Variants in ZNF582 observed in about 807,000 individuals in gnomAD.
The protein encoded by ZNF582 is zinc finger protein 582.
In ZNF582, 14 loss-of-function variants were observed where a neutral mutation model predicts 12.3. That is an observed-to-expected ratio of 1.14 (90% CI 0.75 to 1.78). The LOEUF (loss-of-function observed/expected upper bound fraction) is 1.78, where lower values mean the gene tolerates loss of function less well. Ranked by LOEUF, ZNF582 falls within the 40% of genes most tolerant of loss-of-function variation. The pLI is 0.00. For missense variants in ZNF582, 567 were observed against 616.5 expected (o/e 0.92, Z 0.85); for synonymous variants, 210 against 207.2 (o/e 1.01, Z -0.11).
chr19:56,385,295 C>A, intron 4 of ZNF582, 111 bp from the exon 5 acceptor site: 1 of 1,111,810 alleles, frequency 9.0e-7, no homozygotes, highest in Non-Finnish European at 1.2e-6. Context: ...TTGAATGTAG[C>A]TAAGCAATTA....
At position 56,389,226 on chromosome 19, in the gene ZNF582, T is replaced by G. The variant is rs373455501; in HGVS notation, c.232+775A>C. ...AAGTTCCATGAAAGCAAGGATAATG[T>G]CCACCTGCCTCATCAATGTATACTG... On this transcript the variant is annotated intron_variant, in intron 4 of 4. Transcript: ENST00000586929. Among the ~76,000 whole-genome samples the G allele has an allele frequency of 3.9e-5, 6 of 152,358 alleles. No individual in the cohort carries two copies. In the South Asian group the frequency reaches 1.0e-3, roughly 26 times the overall value.
chr19:56,386,962 A>C (rs1439295393), intron 4 of ZNF582, among the ~76,000 whole-genome samples: 1 of 152,262 alleles, frequency 6.6e-6, no homozygotes, highest in Non-Finnish European at 1.5e-5. Flanking sequence ...CATGAAGTTC[A>C]AATGCACCTT....
chr19:56,391,916 C>T, intron 1 of ZNF582, 84 bp from the exon 2 acceptor site: 1 of 1,159,794 alleles, frequency 8.6e-7, no homozygotes. Context: ...CACCTGCTTG[C>T]CCTCTGCCCA....
intron 2 of ZNF582, among the ~76,000 whole-genome samples, chr19:56,390,730 GA>G (rs1298081137): frequency 2.0e-5 from 3 of 152,136 alleles, no homozygotes; most frequent in Non-Finnish European, 4.4e-5. Flanking sequence ...GGTCTGGGAT[GA>G]AAATTAAAAT....
exon 5 of ZNF582, chr19:56,384,954 G>A (rs777485465): frequency 3.6e-5 from 58 of 1,614,012 alleles, no homozygotes; most frequent in East Asian, 8.9e-5. Context: ...AGGGATGCAT[G>A]CTGGTCAAAA....
intron 4 of ZNF582, among the ~76,000 whole-genome samples, chr19:56,388,631 G>A (rs1161237246): frequency 2.0e-5 from 3 of 151,894 alleles, no homozygotes; most frequent in Non-Finnish European, 2.9e-5. Flanking sequence ...CTTTCCTAGC[G>A]TATCTTTTTT....
intron 2 of ZNF582, 81 bp from the exon 3 acceptor site, chr19:56,390,582 GGA>G: frequency 2.6e-6 from 4 of 1,528,874 alleles, no homozygotes; most frequent in Non-Finnish European, 3.6e-6. Flanking sequence ...GGTCTTTGCG[GGA>G]GGGGGGGTTG....
chr19:56,389,192 C>G (rs1052489257), intron 4 of ZNF582, among the ~76,000 whole-genome samples: 1 of 152,198 alleles, frequency 6.6e-6, no homozygotes, highest in African/African-American at 2.4e-5. Flanking sequence ...TATTTTCCCA[C>G]TGCAGTGTAA....
chr19:56,393,423 A>T (rs747512001), exon 1 of ZNF582: 2 of 568,862 alleles, frequency 3.5e-6, no homozygotes, highest in Non-Finnish European at 6.4e-6. Context: ...AGCGCCTGGA[A>T]AGCTCCGGAA....
At chr19:56,385,030 G>C in exon 5 of ZNF582, 2 of 1,614,116 alleles carry the variant, frequency 1.2e-6, no homozygotes, top group Non-Finnish European at 1.7e-6. Flanking sequence ...CCTGTTGTCT[G>C]TCAAACTGGT....
intron 4 of ZNF582, 135 bp from the exon 5 acceptor site, chr19:56,385,319 T>A: frequency 2.3e-6 from 2 of 887,418 alleles, no homozygotes; most frequent in Non-Finnish European, 3.3e-6. Context: ...AATGGACAAG[T>A]AGAACAGTGA....
intron 4 of ZNF582, 34 bp from the exon 5 acceptor site, chr19:56,385,218 CTTT>C (rs35971666): frequency 1.3e-6 from 2 of 1,487,530 alleles, no homozygotes; most frequent in African/African-American, 2.8e-5. Flanking sequence ...TGTTTGGCTT[CTTT>C]TTTTTTCCAG....
At chr19:56,391,752 T>G in exon 2 of ZNF582, 1 of 1,613,920 alleles carries the variant, frequency 6.2e-7, no homozygotes, top group Non-Finnish European at 8.5e-7. Context: ...ACAAGGGACA[T>G]GACTTTTAGA....
intron 4 of ZNF582, among the ~76,000 whole-genome samples, chr19:56,388,780 G>C (rs139149481): frequency 3.8e-4 from 58 of 152,136 alleles, no homozygotes; most frequent in South Asian, 1.7e-3. Flanking sequence ...TTATAGGCAC[G>C]TGCCACCACA....
chr19:56,389,122 C>G (rs2041994894), intron 4 of ZNF582, among the ~76,000 whole-genome samples: 1 of 152,354 alleles, frequency 6.6e-6, no homozygotes, highest in East Asian at 1.9e-4. Context: ...TGCACCCTGA[C>G]TGAACCTGTT....
chr19:56,388,945 G>A (rs893763580), intron 4 of ZNF582, among the ~76,000 whole-genome samples: 1 of 152,060 alleles, frequency 6.6e-6, no homozygotes, highest in Non-Finnish European at 1.5e-5. Context: ...TCCTCCCTTT[G>A]CTCACTGACC....
intron 4 of ZNF582, 85 bp from the exon 5 acceptor site, chr19:56,385,269 C>A: frequency 7.4e-7 from 1 of 1,352,948 alleles, no homozygotes; most frequent in South Asian, 1.5e-5. Flanking sequence ...GGTTTAGACT[C>A]AATGCCTATT....
rs200165265 is a variant in ZNF582, at chr19:56,390,374, C to T, written c.136+1G>A. On this transcript the variant is annotated splice_donor_variant, in intron 3 of 4. Coordinates refer to ENST00000586929, the Ensembl canonical transcript of ZNF582. LOFTEE classifies it high-confidence loss of function. ...CAAACTAACAGACGAGATCACCTTA[C>T]CCAGTGAGACCAGGTTGCTGTAGGT... 2 of 1,614,172 alleles carry T rather than the reference C, an allele frequency of 1.2e-6. No homozygotes were observed. The highest frequency in any genetic ancestry group is 1.7e-6 in the Non-Finnish European group (2 of 1,180,034).
chr19:56,390,850 T>C (rs1212098773), intron 2 of ZNF582, among the ~76,000 whole-genome samples: 1 of 152,222 alleles, frequency 6.6e-6, no homozygotes, highest in African/African-American at 2.4e-5. Context: ...ATCACTTCTA[T>C]CTTTTGGAAT....
Sources: allele counts gnomAD v4.1 joint callset (sites outside exome capture counted in the v4.1 genomes callset), GRCh38; gene constraint gnomAD v4.1.1; transcripts MANE v1.5; gene names NCBI Gene and HGNC (gene_info 2026-07-23, HGNC 2026-07-21).